The following DEFB124 variants were observed in gnomAD, a reference collection of about 807,000 sequenced individuals.
DEFB124 encodes defensin beta 124, also known as beta-defensin 124.
For missense variants in DEFB124, 78 were observed against 83.1 expected (o/e 0.94, Z 0.24); for synonymous variants, 38 against 36.5 (o/e 1.04, Z -0.15).
At chr20:31,472,731 C>A in intron 2 of DEFB124, 1 of 470,734 alleles carries the variant, frequency 2.1e-6, no homozygotes. Flanking sequence ...ACCATCATAA[C>A]ATAAATGAAT....
At chr20:31,472,711 T>C in intron 2 of DEFB124, 1 of 449,650 alleles carries the variant, frequency 2.2e-6, no homozygotes, top group South Asian at 5.1e-5. Flanking sequence ...TTCACTGTTA[T>C]TATTTCACAA....
At chr20:31,471,273 C>T (rs1261159649) in intron 2 of DEFB124, among the ~76,000 whole-genome samples, 9 of 126,064 alleles carry the variant, frequency 7.1e-5, no homozygotes, top group South Asian at 5.3e-4. Flanking sequence ...GCAGAGGCGC[C>T]CCTCACCTCC....
chr20:31,466,572 C>T (rs1980087462), intron 2 of DEFB124, among the ~76,000 whole-genome samples: 1 of 133,724 alleles, frequency 7.5e-6, no homozygotes, highest in Non-Finnish European at 1.6e-5. Context: ...TGCACTGCAG[C>T]CTTGGCGACA....
chr20:31,473,064 C>T (rs1980379037), intron 1 of DEFB124, 26 bp from the exon 2 acceptor site: 1 of 1,603,190 alleles, frequency 6.2e-7, no homozygotes, highest in Admixed American at 1.7e-5. Flanking sequence ...GAGGAAAGAC[C>T]CGAGCAGGCT....
At chr20:31,465,883 G>GCGGT (rs1217581252) in intron 2 of DEFB124, among the ~76,000 whole-genome samples, 1 of 152,228 alleles carries the variant, frequency 6.6e-6, no homozygotes, top group Non-Finnish European at 1.5e-5. Flanking sequence ...AAGGCCAGGC[G>GCGGT]CGGTGGCTCA....
chr20:31,470,258 C>A (rs374313115), intron 2 of DEFB124, among the ~76,000 whole-genome samples: 6 of 124,786 alleles, frequency 4.8e-5, no homozygotes, highest in Non-Finnish European at 8.5e-5. Flanking sequence ...GGGGGGCTGA[C>A]CCCCCCACCT....
At chr20:31,474,441 C>G (rs566417380) in intron 1 of DEFB124, among the ~76,000 whole-genome samples, 186 bp downstream of exon 1, 1 of 152,354 alleles carries the variant, frequency 6.6e-6, no homozygotes, top group South Asian at 2.1e-4. Context: ...CCAAGCTGAA[C>G]ACCTGAATCC....
chr20:31,468,568 C>A (rs915995051), intron 2 of DEFB124, among the ~76,000 whole-genome samples: 1 of 151,812 alleles, frequency 6.6e-6, no homozygotes, highest in Non-Finnish European at 1.5e-5. Context: ...CTCCGCCTCC[C>A]GGGTTCAACT....
chr20:31,471,939 G>A (rs1377086263), intron 2 of DEFB124, among the ~76,000 whole-genome samples: 2 of 151,332 alleles, frequency 1.3e-5, no homozygotes, highest in African/African-American at 4.9e-5. Context: ...AGGCAGAGGG[G>A]CTCCTCACGT....
chr20:31,467,245 G>A (rs1249251961), intron 2 of DEFB124, among the ~76,000 whole-genome samples: 2 of 152,220 alleles, frequency 1.3e-5, no homozygotes, highest in African/African-American at 2.4e-5. Flanking sequence ...ATCCTCAAAT[G>A]ATGCCTTAGG....
Position 31,465,578 on chromosome 20 carries a change from G to A in DEFB124, c.144C>T (p.Cys48=). The A allele has an allele frequency of 1.2e-6, 2 of 1,614,204 alleles. No homozygotes were observed. The highest frequency in any genetic ancestry group is 1.7e-6 in the Non-Finnish European group (2 of 1,180,042). Residue 48 remains cysteine (C), a synonymous_variant, in exon 3 of 3, where the codon TGC becomes TGT. Transcript: ENST00000317676. ...AGAGACAGCACAGGGACGCATCCGG[G>A]CACAGGTGCATGTAAGTTTCTTGCC... ...CTRQETYMHL[C]PDASLCCLSY...
intron 2 of DEFB124, among the ~76,000 whole-genome samples, chr20:31,468,391 G>C (rs575740069): frequency 6.6e-6 from 1 of 152,330 alleles, no homozygotes; most frequent in Admixed American, 6.5e-5. Flanking sequence ...GGAATGGAGA[G>C]GGAAGTGAAT....
intron 2 of DEFB124, among the ~76,000 whole-genome samples, chr20:31,466,445 T>C (rs1980084209): frequency 2.0e-5 from 3 of 150,684 alleles, no homozygotes; most frequent in South Asian, 4.2e-4. Context: ...ACTAGAAATA[T>C]AAAAATTAGC....
At chr20:31,471,262 G>A (rs1421447556) in intron 2 of DEFB124, among the ~76,000 whole-genome samples, 1 of 137,760 alleles carries the variant, frequency 7.3e-6, no homozygotes, top group African/African-American at 2.7e-5. Context: ...GGGGCGGCTG[G>A]GCAGAGGCGC....
chr20:31,473,199 C>T (rs534907477), intron 1 of DEFB124, among the ~76,000 whole-genome samples, 161 bp from the exon 2 acceptor site: 5 of 152,276 alleles, frequency 3.3e-5, no homozygotes, highest in South Asian at 2.1e-4. Context: ...CAGCCAGCTA[C>T]GTGGGAACTG....
At chr20:31,467,317 A>AAT (rs1980108431) in intron 2 of DEFB124, among the ~76,000 whole-genome samples, 14 of 152,350 alleles carry the variant, frequency 9.2e-5, no homozygotes, top group Admixed American at 7.8e-4. Context: ...ACTAAGGTAG[A>AAT]GAATCTTAGA....
At chr20:31,470,243 C>T (rs1447238498) in intron 2 of DEFB124, among the ~76,000 whole-genome samples, 1 of 134,942 alleles carries the variant, frequency 7.4e-6, no homozygotes, top group East Asian at 2.4e-4. Context: ...GGCGGCTGGC[C>T]GGGCGGGGGG....
chr20:31,471,064 C>G, intron 2 of DEFB124, among the ~76,000 whole-genome samples: 1 of 139,810 alleles, frequency 7.2e-6, no homozygotes, highest in Non-Finnish European at 1.6e-5. Context: ...CTGACCCCCC[C>G]CACCTCCCTC....
At chr20:31,468,453 A>T (rs1980137189) in intron 2 of DEFB124, among the ~76,000 whole-genome samples, 1 of 152,068 alleles carries the variant, frequency 6.6e-6, no homozygotes, top group African/African-American at 2.4e-5. Flanking sequence ...AGTGATGGGT[A>T]ATAAGGGCTC....
Sources: allele counts gnomAD v4.1 joint callset (sites outside exome capture counted in the v4.1 genomes callset), GRCh38; gene constraint gnomAD v4.1.1; transcripts MANE v1.5; gene names NCBI Gene and HGNC (gene_info 2026-07-23, HGNC 2026-07-21).